The following COL4A4 variants were observed in gnomAD, a reference collection of about 807,000 sequenced individuals.
The protein encoded by COL4A4 is collagen alpha-4(IV) chain.
A neutral mutation model predicts 192.9 loss-of-function variants in COL4A4; 105 were observed. The observed-to-expected ratio is 0.54, with a 90% confidence interval of 0.46 to 0.64. COL4A4 has a LOEUF of 0.64. COL4A4 is among the 30% of genes least tolerant of loss of function. The pLI is 0.00. For missense variants in COL4A4, 1,967 were observed against 2,169.3 expected (o/e 0.91, Z 1.85); for synonymous variants, 762 against 769.9 (o/e 0.99, Z 0.17).
chr2:227,103,312 T>G (rs561783516), intron 13 of COL4A4, 115 bp from the exon 14 acceptor site: 1 of 802,950 alleles, frequency 1.2e-6, no homozygotes, highest in African/African-American at 1.8e-5. Flanking sequence ...AAAAAAAATC[T>G]TAAGAGATTA....
At chr2:227,136,524 G>A (rs2062824096) in intron 4 of COL4A4, among the ~76,000 whole-genome samples, 1 of 152,190 alleles carries the variant, frequency 6.6e-6, no homozygotes, top group Admixed American at 6.5e-5. Context: ...GCTAGACTGT[G>A]AGCCTCCAGC....
intron 2 of COL4A4, among the ~76,000 whole-genome samples, chr2:227,145,657 A>G (rs191363671): frequency 9.2e-5 from 14 of 152,290 alleles, no homozygotes. Flanking sequence ...TGTTCTCTGT[A>G]GAGCCTTCTC....
At chr2:227,008,921 G>A (rs1043110276) in intron 46 of COL4A4, among the ~76,000 whole-genome samples, 1 of 152,170 alleles carries the variant, frequency 6.6e-6, no homozygotes, top group Admixed American at 6.5e-5. Context: ...ATCTCGTTAA[G>A]GAGTTTGGAC....
chr2:227,078,162 G>T, intron 24 of COL4A4, 85 bp from the exon 25 acceptor site: 1 of 1,361,818 alleles, frequency 7.3e-7, no homozygotes, highest in Non-Finnish European at 1.0e-6. Flanking sequence ...AGAAACACAC[G>T]CAAAAGTCCA....
At chr2:227,090,767 GTAAATAAATAAAA>G (rs902725326) in intron 20 of COL4A4, among the ~76,000 whole-genome samples, 10 of 147,690 alleles carry the variant, frequency 6.8e-5, no homozygotes, top group African/African-American at 2.2e-4. Flanking sequence ...AAATAAATAA[GTAAATAAATAAAA>G]TAAATAAATA....
At chr2:226,988,812 A>C in the COL4A4 span, 32 of 647,330 alleles carry the variant, frequency 4.9e-5, no homozygotes, top group Admixed American at 4.4e-4. Flanking sequence ...CTTGAGAGTT[A>C]ACTACCAAGG....
intron 34 of COL4A4, 123 bp downstream of exon 34, chr2:227,049,945 C>T: frequency 2.3e-6 from 2 of 862,094 alleles, no homozygotes; most frequent in East Asian, 4.9e-5. Flanking sequence ...CTAACAAGAG[C>T]CCCTTGGGTG....
intron 5 of COL4A4, chr2:227,120,775 T>TA (rs753578176): frequency 1.5e-5 from 7 of 471,444 alleles, no homozygotes; most frequent in Non-Finnish European, 2.3e-5. Flanking sequence ...CCATCTCTAC[T>TA]AAAAAATACA....
intron 37 of COL4A4, among the ~76,000 whole-genome samples, chr2:227,039,208 C>T (rs1393218833): frequency 6.6e-6 from 1 of 152,028 alleles, no homozygotes; most frequent in African/African-American, 2.4e-5. Flanking sequence ...GCTCTGTCAC[C>T]CAGGCTGGAG....
chr2:227,020,828 A>G (rs1965856138), intron 44 of COL4A4, among the ~76,000 whole-genome samples: 1 of 151,340 alleles, frequency 6.6e-6, no homozygotes, highest in African/African-American at 2.4e-5. Context: ...AAATTACCCA[A>G]TGCAGTGGGG....
chr2:227,056,357 A>G, intron 29 of COL4A4, among the ~76,000 whole-genome samples: 1 of 148,342 alleles, frequency 6.7e-6, no homozygotes, highest in Admixed American at 6.8e-5. Flanking sequence ...TATAAAAAAT[A>G]TTTTTAACAG....
chr2:226,988,355 A>T, the COL4A4 span: 1 of 1,550,212 alleles, frequency 6.5e-7, no homozygotes, highest in Non-Finnish European at 8.7e-7. Context: ...TAAAGAGACA[A>T]TGGCAAGTCT....
intron 22 of COL4A4, among the ~76,000 whole-genome samples, chr2:227,084,181 T>C (rs1406003150): frequency 2.6e-5 from 4 of 152,240 alleles, no homozygotes; most frequent in Non-Finnish European, 5.9e-5. Flanking sequence ...TTACTATATA[T>C]GCTAGTCATA....
Position 227,078,458 on chromosome 2 carries a change from G to A in COL4A4, c.1804-381C>T, listed in dbSNP as rs1378407089. On this transcript the variant is annotated intron_variant, in intron 24 of 47. Transcript: ENST00000396625. The stretch of plus-strand genomic sequence containing the variant: ...GAGTTTCGCCATGTTGGCCAGGCTG[G>A]TCTCAAACCCCTGACCTCCACCTGC... Among the ~76,000 whole-genome samples, 3 of 152,184 alleles carry A rather than the reference G, an allele frequency of 2.0e-5. No homozygotes were observed. The East Asian group carries it at 5.8e-4, about 30-fold the overall frequency.
At chr2:227,041,711 GGAAGGGAGGAGGA>G in intron 37 of COL4A4, among the ~76,000 whole-genome samples, 1 of 113,198 alleles carries the variant, frequency 8.8e-6, no homozygotes, top group African/African-American at 4.0e-5. Flanking sequence ...AGAGAAGGAA[GGAAGGGAGGAGGA>G]AGGAAGGAAG....
At position 227,121,149 on chromosome 2, in the gene COL4A4, C is replaced by G; in HGVS notation, c.193-1G>C. ...GTGGCCCTGGTGGTCCTGGTGGACC[C>G]TGAGAAGGAAGATTAAAAAGAAATG... On this transcript the variant is annotated splice_acceptor_variant, in intron 4 of 47. Transcript: ENST00000396625. LOFTEE classifies it high-confidence loss of function. 1 of 1,613,890 alleles carries G rather than the reference C, an allele frequency of 6.2e-7. No individual in the cohort carries two copies. The highest frequency in any genetic ancestry group is 8.5e-7 in the Non-Finnish European group (1 of 1,179,940).
At chr2:227,083,806 A>C (rs2059442386) in intron 22 of COL4A4, among the ~76,000 whole-genome samples, 1 of 152,142 alleles carries the variant, frequency 6.6e-6, no homozygotes, top group South Asian at 2.1e-4. Flanking sequence ...ATCTTTTTTT[A>C]ACCGGCTGTA....
chr2:227,147,415 G>A lies in COL4A4; in HGVS notation c.69C>T (p.Pro23=), dbSNP rs2063620438. The part of the protein sequence containing the change: ...FRLTKSLATG[P]WSLILILFSV... ...GCAATCACACTGAGGATACTCACCA[G>A]GGACCTGTGGCCAAGGACTTGGTCA... Residue 23 remains proline (P), a splice_region_variant and synonymous_variant, in exon 2 of 48, where the codon CCC becomes CCT. Transcript: ENST00000396625. 1 of 1,613,430 alleles carries A rather than the reference G, an allele frequency of 6.2e-7. No homozygotes were observed. Among genetic ancestry groups the A allele is most frequent in the Non-Finnish European group, 8.5e-7 (1 of 1,179,492 alleles).
chr2:227,114,434 T>C (rs919878499), intron 8 of COL4A4, 194 bp downstream of exon 8: 1 of 684,604 alleles, frequency 1.5e-6, no homozygotes, highest in Non-Finnish European at 2.7e-6. Flanking sequence ...AATTTTACAG[T>C]GCTGGAATTT....
Sources: gnomAD v4.1 joint callset for allele counts (sites outside exome capture counted in the v4.1 genomes callset) on GRCh38, gnomAD v4.1.1 for gene constraint, MANE v1.5 for transcripts, NCBI Gene and HGNC (gene_info 2026-07-23, HGNC 2026-07-21) for gene names.